The following NDUFAF6 variants were observed in gnomAD, a reference collection of about 807,000 sequenced individuals.
The protein encoded by NDUFAF6 is NADH:ubiquinone oxidoreductase complex assembly factor 6, also known as NADH dehydrogenase (ubiquinone) complex I, assembly factor 6.
A neutral mutation model predicts 40.8 loss-of-function variants in NDUFAF6; 45 were observed. The observed-to-expected ratio is 1.10, with a 90% CI of 0.87 to 1.42. The LOEUF (loss-of-function observed/expected upper bound fraction) is 1.42, where lower values mean the gene tolerates loss of function less well. NDUFAF6 is among the 40% of genes most tolerant of loss of function. NDUFAF6 has a pLI of 0.00. For missense variants in NDUFAF6, 435 were observed against 418.5 expected, an observed-to-expected ratio of 1.04 and a Z score of -0.34; for synonymous variants, 185 against 155.9, an observed-to-expected ratio of 1.19 and a Z score of -1.39.
At chr8:95,069,794 A>ATT (rs962907537) in intron 9 of NDUFAF6, among the ~76,000 whole-genome samples, 1 of 144,870 alleles carries the variant, frequency 6.9e-6, no homozygotes, top group Non-Finnish European at 1.5e-5. Flanking sequence ...AAAAAAAAAA[A>ATT]TTATATATAT....
chr8:95,066,266 C>CATG (rs1832700027), intron 9 of NDUFAF6, among the ~76,000 whole-genome samples: 1 of 147,318 alleles, frequency 6.8e-6, no homozygotes, highest in Admixed American at 6.7e-5. Flanking sequence ...CATGTGCCAT[C>CATG]ATGCCTGGCT....
chr8:94,996,243 A>T (rs1826425917), intron 2 of NDUFAF6, among the ~76,000 whole-genome samples: 1 of 152,130 alleles, frequency 6.6e-6, no homozygotes, highest in Non-Finnish European at 1.5e-5. Context: ...CAATGAAACA[A>T]ATGCCACTCT....
intron 2 of NDUFAF6, among the ~76,000 whole-genome samples, chr8:95,090,536 G>A (rs1442790951): frequency 3.9e-5 from 6 of 151,978 alleles, no homozygotes; most frequent in Non-Finnish European, 7.4e-5. Context: ...TCTCCTCTGC[G>A]GGCTTCAGAT....
At chr8:95,025,248 C>A (rs1827958636) in intron 1 of NDUFAF6, 43 bp downstream of exon 1, 2 of 1,355,394 alleles carry the variant, frequency 1.5e-6, no homozygotes, top group African/African-American at 3.1e-5. Context: ...GAAGCGGGGT[C>A]CCGGGGTGGG....
chr8:95,009,312 C>T (rs919292286), intron 2 of NDUFAF6, among the ~76,000 whole-genome samples: 1 of 152,114 alleles, frequency 6.6e-6, no homozygotes, highest in Admixed American at 6.6e-5. Flanking sequence ...TACATATATA[C>T]CTCCATACGT....
rs1828387106 is a variant in NDUFAF6 at position 95,028,044 on chromosome 8, T to C, written c.197+2839T>C. 2.6e-5 allele frequency among the ~76,000 whole-genome samples: 4 copies of C among 152,232 alleles called. No individual in the cohort carries two copies. In the South Asian group the frequency reaches 8.3e-4, roughly 31 times the overall value. On this transcript the variant is annotated intron_variant, in intron 1 of 8. Coordinates refer to ENST00000396124, the MANE Select transcript of NDUFAF6 (RefSeq NM_152416.4). Reference sequence around the variant, plus strand: ...TACTGGTGGTGTTGGAGTGCACTAATGTTCTTTACTTTGCTGCAATCTCAC... The same window carrying C: ...TACTGGTGGTGTTGGAGTGCACTAACGTTCTTTACTTTGCTGCAATCTCAC...
chr8:95,007,428 C>T (rs1047075587), intron 2 of NDUFAF6, among the ~76,000 whole-genome samples: 3 of 152,022 alleles, frequency 2.0e-5, no homozygotes, highest in Non-Finnish European at 1.5e-5. Context: ...CTTTGGGAGG[C>T]CAAGGCAGGA....
At chr8:94,981,246 G>T (rs1825418972) in intron 2 of NDUFAF6, among the ~76,000 whole-genome samples, 1 of 152,196 alleles carries the variant, frequency 6.6e-6, no homozygotes, top group African/African-American at 2.4e-5. Context: ...GCTGCCTTTT[G>T]CGTTTGGTCT....
intron 4 of NDUFAF6, among the ~76,000 whole-genome samples, chr8:95,113,768 C>T (rs758171844): frequency 5.3e-5 from 8 of 152,092 alleles, no homozygotes; most frequent in African/African-American, 7.2e-5. Context: ...CACATGAACC[C>T]GGGAGGCAGA....
rs141907748 is a variant in NDUFAF6 at position 95,004,629 on chromosome 8, C to T, written c.-84+23656C>T. On this transcript the variant is annotated intron_variant, in intron 2 of 9. Coordinates refer to the NDUFAF6 transcript ENST00000396111. ...CCTCCAAAAGTGCTGGGATTACAGG[C>T]GTGAGCCACCACACCCAGCCCACTT... 9.9e-3 allele frequency among the ~76,000 whole-genome samples: 1,515 copies of T among 152,264 alleles called. 27 individuals are homozygous for T. Among genetic ancestry groups the T allele is most frequent in the African/African-American group, 0.035 (1,440 of 41,538 alleles).
downstream of NDUFAF6, among the ~76,000 whole-genome samples, chr8:95,117,487 G>A (rs1296978455): frequency 6.6e-6 from 1 of 152,184 alleles, no homozygotes; most frequent in East Asian, 1.9e-4. Flanking sequence ...CAAGTTAAAT[G>A]TCTGGATAGT....
intron 7 of NDUFAF6, among the ~76,000 whole-genome samples, chr8:95,050,211 G>A (rs1831273821): frequency 6.6e-6 from 1 of 152,188 alleles, no homozygotes; most frequent in Non-Finnish European, 1.5e-5. Context: ...CCGATTCCCA[G>A]GCCTCACTCC....
At chr8:95,064,624 G>A (rs1055050735) in intron 9 of NDUFAF6, among the ~76,000 whole-genome samples, 14 of 152,060 alleles carry the variant, frequency 9.2e-5, no homozygotes, top group African/African-American at 3.4e-4. Context: ...ACAGTCTTTT[G>A]TTATAATGTT....
At chr8:94,934,149 G>GA (rs141439112) in intron 1 of NDUFAF6, among the ~76,000 whole-genome samples, 26 of 148,424 alleles carry the variant, frequency 1.8e-4, no homozygotes, top group African/African-American at 5.2e-4. Flanking sequence ...TACAGGCACA[G>GA]AAAAAAAAAA....
intron 1 of NDUFAF6, among the ~76,000 whole-genome samples, chr8:95,025,876 A>C (rs1828054903): frequency 6.6e-6 from 1 of 152,090 alleles, no homozygotes; most frequent in East Asian, 1.9e-4. Flanking sequence ...TCATTTGTGG[A>C]GGTGGGTTGG....
chr8:95,040,141 T>C (rs1829993485), intron 3 of NDUFAF6, among the ~76,000 whole-genome samples: 1 of 152,230 alleles, frequency 6.6e-6, no homozygotes, highest in Non-Finnish European at 1.5e-5. Flanking sequence ...TTTAGCCCTT[T>C]ATGACATGTA....
At chr8:95,073,560 T>C (rs542083645) in intron 9 of NDUFAF6, among the ~76,000 whole-genome samples, 4 of 152,242 alleles carry the variant, frequency 2.6e-5, no homozygotes, top group African/African-American at 9.6e-5. Flanking sequence ...CTTTTCCGCT[T>C]GCCCCTTAAA....
upstream of NDUFAF6, among the ~76,000 whole-genome samples, chr8:94,954,149 G>GCC (rs11396740): frequency 6.6e-6 from 1 of 151,880 alleles, no homozygotes; most frequent in African/African-American, 2.4e-5. Context: ...TACAACCTCC[G>GCC]CCCCCCGGGT....
At chr8:95,082,467 T>C (rs932463859) in intron 2 of NDUFAF6, among the ~76,000 whole-genome samples, 2 of 151,852 alleles carry the variant, frequency 1.3e-5, no homozygotes, top group African/African-American at 4.8e-5. Flanking sequence ...TCTCCTTCTG[T>C]TCAGAATCAC....
Sources: gnomAD v4.1 joint callset for allele counts (sites outside exome capture counted in the v4.1 genomes callset) on GRCh38, gnomAD v4.1.1 for gene constraint, MANE v1.5 for transcripts, NCBI Gene and HGNC (gene_info 2026-07-23, HGNC 2026-07-21) for gene names.